Variants in SKIC3 observed in about 807,000 individuals in gnomAD.
SKIC3 encodes SKI3 subunit of superkiller complex, also known as superkiller complex protein 3.
chr5:95,490,826 T>G, the SKIC3 span: 1 of 1,568,656 alleles, frequency 6.4e-7, no homozygotes, highest in Non-Finnish European at 8.7e-7. Context: ...TAACAACATA[T>G]GCTGAAGCCG....
At chr5:95,529,071 T>TC in the SKIC3 span, 1 of 1,613,598 alleles carries the variant, frequency 6.2e-7, no homozygotes, top group Admixed American at 1.7e-5. Context: ...GATGATACCA[T>TC]CCACTTGTGC....
At chr5:95,487,726 C>G in the SKIC3 span, among the ~76,000 whole-genome samples, 1 of 152,124 alleles carries the variant, frequency 6.6e-6, no homozygotes, top group Non-Finnish European at 1.5e-5. Flanking sequence ...TTGGAAGTGA[C>G]TGTTAGACTA....
the SKIC3 span, among the ~76,000 whole-genome samples, chr5:95,542,529 T>C: frequency 2.6e-5 from 4 of 152,208 alleles, no homozygotes; most frequent in East Asian, 1.9e-4. Context: ...AAAATTGTCA[T>C]TTTTGCATTA....
the SKIC3 span, among the ~76,000 whole-genome samples, chr5:95,519,877 C>T: frequency 6.6e-6 from 1 of 151,986 alleles, no homozygotes; most frequent in Non-Finnish European, 1.5e-5. Flanking sequence ...AAAGCATGCC[C>T]TTTACACAGT....
chr5:95,507,342 C>T, the SKIC3 span, among the ~76,000 whole-genome samples: 1 of 152,112 alleles, frequency 6.6e-6, no homozygotes, highest in Non-Finnish European at 1.5e-5. Flanking sequence ...ATAGAAAACA[C>T]CCTTGAAACT....
the SKIC3 span, among the ~76,000 whole-genome samples, chr5:95,551,457 T>A: frequency 6.6e-6 from 1 of 152,264 alleles, no homozygotes; most frequent in East Asian, 1.9e-4. Flanking sequence ...AATAGAAGTG[T>A]CACTCCAACA....
the SKIC3 span, among the ~76,000 whole-genome samples, chr5:95,553,003 A>T: frequency 9.7e-5 from 14 of 143,830 alleles, no homozygotes; most frequent in Admixed American, 9.5e-4. Flanking sequence ...ACTTTTAATG[A>T]GACCTATATA....
chr5:95,554,374 G>C, the SKIC3 span, among the ~76,000 whole-genome samples: 1 of 152,132 alleles, frequency 6.6e-6, no homozygotes, highest in African/African-American at 2.4e-5. Flanking sequence ...ACAGAAATCT[G>C]CTTCTTCCAG....
chr5:95,480,692 T>G, the SKIC3 span, among the ~76,000 whole-genome samples: 6 of 152,120 alleles, frequency 3.9e-5, no homozygotes, highest in African/African-American at 1.4e-4. Context: ...TGACCAAGAA[T>G]GGTCACAGCA....
At chr5:95,537,915 T>G in the SKIC3 span, among the ~76,000 whole-genome samples, 1 of 152,318 alleles carries the variant, frequency 6.6e-6, no homozygotes, top group East Asian at 1.9e-4. Context: ...AAGTAAAATT[T>G]TGCTGCCCTG....
the SKIC3 span, chr5:95,543,080 G>A: frequency 1.5e-6 from 2 of 1,359,778 alleles, no homozygotes; most frequent in Non-Finnish European, 2.0e-6. Flanking sequence ...CTTACATGGG[G>A]CAAATGTAGG....
chr5:95,466,691 C>T, the SKIC3 span, among the ~76,000 whole-genome samples: 9 of 152,226 alleles, frequency 5.9e-5, no homozygotes, highest in Non-Finnish European at 1.2e-4. Context: ...CTTTGGTTTA[C>T]CAGCTGGCCA....
chr5:95,544,770 T>C, the SKIC3 span, among the ~76,000 whole-genome samples: 1 of 152,110 alleles, frequency 6.6e-6, no homozygotes, highest in Admixed American at 6.5e-5. Context: ...GAATCCAAAA[T>C]GGATGTTTAA....
chr5:95,553,573 T>G, the SKIC3 span, among the ~76,000 whole-genome samples: 28,008 of 152,044 alleles, frequency 0.18, 3,909 homozygotes, highest in African/African-American at 0.39. Flanking sequence ...TTTTGTTTTT[T>G]TTTTGAGATG....
the SKIC3 span, chr5:95,540,577 A>G: frequency 2.2e-6 from 3 of 1,378,622 alleles, no homozygotes; most frequent in Non-Finnish European, 3.0e-6. Context: ...GATGTTCAAC[A>G]TTACTATGGA....
At chr5:95,482,523 C>T in the SKIC3 span, 1 of 1,614,012 alleles carries the variant, frequency 6.2e-7, no homozygotes, top group Non-Finnish European at 8.5e-7. Context: ...TTTTGTAGTT[C>T]TTCAAGTACA....
the SKIC3 span, among the ~76,000 whole-genome samples, chr5:95,498,209 T>C: frequency 2.6e-5 from 4 of 152,166 alleles, no homozygotes; most frequent in Non-Finnish European, 4.4e-5. Context: ...TAAAATAATA[T>C]ATACAGTCAG....
the SKIC3 span, chr5:95,524,394 T>C: frequency 2.5e-6 from 4 of 1,582,306 alleles, no homozygotes; most frequent in South Asian, 1.1e-5. Context: ...TTGTAACTAA[T>C]GTATATGATT....
the SKIC3 span, among the ~76,000 whole-genome samples, chr5:95,543,940 T>C: frequency 6.6e-6 from 1 of 152,212 alleles, no homozygotes; most frequent in East Asian, 1.9e-4. Flanking sequence ...ATAAAACAGC[T>C]TGAAGCAGTT....
Sources: gnomAD v4.1 joint callset for allele counts (sites outside exome capture counted in the v4.1 genomes callset) on GRCh38, gnomAD v4.1.1 for gene constraint, MANE v1.5 for transcripts, NCBI Gene and HGNC (gene_info 2026-07-23, HGNC 2026-07-21) for gene names.